CDH4: variants seen among roughly 807,000 people sequenced by gnomAD.
CDH4 encodes the protein cadherin 4, also known as cadherin-4.
CDH4 carries 33 observed loss-of-function variants against 86.0 expected under a neutral mutation model. The ratio of observed to expected loss-of-function variants is 0.38; its 90% CI spans 0.29 to 0.51. The LOEUF (loss-of-function observed/expected upper bound fraction) is 0.51, where lower values mean the gene tolerates loss of function less well. Ranked by LOEUF, CDH4 falls within the 20% of genes least tolerant of loss-of-function variation. CDH4 has a pLI of 0.86. For synonymous variants in CDH4, 555 were observed against 549.4 expected (o/e 1.01, Z -0.14); for missense variants, 1,114 against 1,307.4 (o/e 0.85, Z 2.28).
intron 2 of CDH4, among the ~76,000 whole-genome samples, chr20:61,512,501 C>G (rs1018089484): frequency 1.3e-5 from 2 of 152,154 alleles, no homozygotes; most frequent in Non-Finnish European, 2.9e-5. Flanking sequence ...CATCTGTCGC[C>G]AAAGCCCCAC....
At chr20:61,477,054 G>A (rs1346711187) in intron 2 of CDH4, among the ~76,000 whole-genome samples, 2 of 152,196 alleles carry the variant, frequency 1.3e-5, no homozygotes, top group African/African-American at 2.4e-5. Context: ...GGCCGGGGCT[G>A]CCTGCAGGGG....
At position 61,662,011 on chromosome 20, in the gene CDH4, T is replaced by C. The variant is rs892310942; in HGVS notation, c.170-81552T>C. On this transcript the variant is annotated intron_variant, in intron 2 of 15. Coordinates refer to ENST00000614565, the MANE Select transcript of CDH4 (RefSeq NM_001794.5). ...GGGTACATGTTTTTTAAAAGGTTAA[T>C]TTGTGAAACCCCAGGTGTGTTGGAA... 2.6e-5 allele frequency among the ~76,000 whole-genome samples: 4 copies of C among 152,172 alleles called. No homozygotes were observed. The East Asian group carries it at 7.7e-4, about 29-fold the overall frequency.
At chr20:61,909,724 G>T (rs1282448298) in intron 8 of CDH4, among the ~76,000 whole-genome samples, 1 of 152,158 alleles carries the variant, frequency 6.6e-6, no homozygotes, top group African/African-American at 2.4e-5. Context: ...GTAGCATTTA[G>T]CTCCCACCTG....
intron 2 of CDH4, among the ~76,000 whole-genome samples, chr20:61,536,254 G>GC (rs2085996469): frequency 6.6e-6 from 1 of 152,134 alleles, no homozygotes; most frequent in African/African-American, 2.4e-5. Flanking sequence ...CTCCCCTCCT[G>GC]CCCCCCGAAC....
chr20:61,761,030 C>T (rs1285488662), intron 3 of CDH4, among the ~76,000 whole-genome samples: 3 of 152,210 alleles, frequency 2.0e-5, no homozygotes, highest in Non-Finnish European at 4.4e-5. Context: ...TAGAAGGCTG[C>T]AGACAATATC....
intron 9 of CDH4, among the ~76,000 whole-genome samples, chr20:61,922,712 A>G (rs891676059): frequency 1.3e-5 from 2 of 152,156 alleles, no homozygotes; most frequent in Non-Finnish European, 2.9e-5. Context: ...CTGTCGCCAC[A>G]TGGCTCCTCC....
At chr20:61,675,026 A>G (rs1051599126) in intron 2 of CDH4, among the ~76,000 whole-genome samples, 1 of 152,236 alleles carries the variant, frequency 6.6e-6, no homozygotes, top group Non-Finnish European at 1.5e-5. Flanking sequence ...CTGATCCATT[A>G]CAGAAAATGC....
At chr20:61,648,928 T>C (rs1418243245) in intron 2 of CDH4, among the ~76,000 whole-genome samples, 4 of 152,286 alleles carry the variant, frequency 2.6e-5, no homozygotes, top group African/African-American at 9.6e-5. Context: ...GTCCTGCAGG[T>C]GGCCCCACCT....
intron 2 of CDH4, among the ~76,000 whole-genome samples, chr20:61,407,163 A>G (rs2085088992): frequency 4.6e-5 from 7 of 152,232 alleles, no homozygotes. Context: ...GTGAAGACTC[A>G]AGAGAGCCAA....
At chr20:61,350,713 GCC>G (rs145818012) in intron 2 of CDH4, among the ~76,000 whole-genome samples, 110,671 of 151,348 alleles carry the variant, frequency 0.73, 40,885 homozygotes, top group African/African-American at 0.85. Context: ...TCAGGCAGAG[GCC>G]CCCCCCCAGT....
chr20:61,328,979 T>C (rs145709294), intron 2 of CDH4, among the ~76,000 whole-genome samples: 1,959 of 152,282 alleles, frequency 0.013, 33 homozygotes, highest in South Asian at 0.09. Flanking sequence ...ATGCTGAGCA[T>C]CATGGCTTAG....
intron 3 of CDH4, among the ~76,000 whole-genome samples, chr20:61,765,531 C>A (rs1312505182): frequency 6.6e-6 from 1 of 152,220 alleles, no homozygotes; most frequent in Non-Finnish European, 1.5e-5. Flanking sequence ...GCTCTCAGCT[C>A]AGCTGCAGCA....
chr20:61,718,230 C>T (rs556226342), intron 2 of CDH4: 1 of 160,520 alleles, frequency 6.2e-6, no homozygotes, highest in Non-Finnish European at 1.4e-5. Context: ...TCCAAGGGGC[C>T]CTGCCTTCCA....
In CDH4 at chr20:61,829,326, C is replaced by G. The variant is rs1027778396; in HGVS notation, c.577-15342C>G. Among the ~76,000 whole-genome samples, 1 of 152,202 alleles carries G rather than the reference C, an allele frequency of 6.6e-6. No homozygotes were observed. The highest frequency in any genetic ancestry group is 1.5e-5 in the Non-Finnish European group (1 of 68,036). ...TTCAAGGTTCAGCCATGCTGCAGCT[C>G]GTATCAGAACCTAGTTCCTTTCAGG... On this transcript the variant is annotated intron_variant, in intron 4 of 15. Coordinates refer to ENST00000614565, the MANE Select transcript of CDH4 (RefSeq NM_001794.5). The surrounding 1 kb of genome is among the most constrained non-coding windows in gnomAD (Gnocchi z 4.2).
intron 6 of CDH4, among the ~76,000 whole-genome samples, chr20:61,867,179 T>C (rs1983588312): frequency 6.6e-6 from 1 of 152,184 alleles, no homozygotes. Context: ...GAAGCCCTGC[T>C]CTCCCTTCCT....
chr20:61,694,838 G>A (rs959664792), intron 2 of CDH4, among the ~76,000 whole-genome samples: 2 of 152,338 alleles, frequency 1.3e-5, no homozygotes, highest in African/African-American at 2.4e-5. Context: ...CTGCTCTGCC[G>A]AGCGCTGGCG....
At chr20:61,757,241 C>T (rs879706591) in intron 3 of CDH4, among the ~76,000 whole-genome samples, 4 of 152,150 alleles carry the variant, frequency 2.6e-5, no homozygotes, top group Non-Finnish European at 4.4e-5. Flanking sequence ...AGACCCCCCC[C>T]CCAGCCCCCT....
intron 2 of CDH4, among the ~76,000 whole-genome samples, chr20:61,346,238 C>T (rs2084678678): frequency 6.6e-6 from 1 of 151,994 alleles, no homozygotes; most frequent in Admixed American, 6.5e-5. Context: ...GGGACTGAGA[C>T]CAGGATAGTC....
chr20:61,498,917 G>C (rs1038981715), intron 2 of CDH4, among the ~76,000 whole-genome samples: 4 of 152,184 alleles, frequency 2.6e-5, no homozygotes, highest in African/African-American at 7.2e-5. Context: ...AAGGACGAGG[G>C]AACCTAGCAT....
Sources: gnomAD v4.1 joint callset for allele counts (sites outside exome capture counted in the v4.1 genomes callset) on GRCh38, gnomAD v4.1.1 for gene constraint, Gnocchi (gnomAD v3.1) non-coding constraint, MANE v1.5 for transcripts, NCBI Gene and HGNC (gene_info 2026-07-23, HGNC 2026-07-21) for gene names.